Variants in PRKN observed in about 807,000 individuals in gnomAD.
The protein encoded by PRKN is E3 ubiquitin-protein ligase parkin.
Under a neutral mutation model 59.5 loss-of-function variants are expected in PRKN, and 56 were observed. The ratio of observed to expected loss-of-function variants is 0.94; its 90% confidence interval spans 0.76 to 1.18. The LOEUF (loss-of-function observed/expected upper bound fraction) is 1.18, where lower values mean the gene tolerates loss of function less well. Among genes scored for constraint, PRKN ranks in the 50% most tolerant of loss-of-function variants. PRKN has a pLI of 0.00. For synonymous variants in PRKN, 250 were observed against 222.1 expected (o/e 1.13, Z -1.12); for missense variants, 657 against 596.4 (o/e 1.10, Z -1.06).
chr6:161,507,103 A>G (rs928723444), intron 9 of PRKN, among the ~76,000 whole-genome samples: 1 of 152,208 alleles, frequency 6.6e-6, no homozygotes, highest in Non-Finnish European at 1.5e-5. Flanking sequence ...AGAACTTTTT[A>G]AAAATTCCTC....
At chr6:161,641,898 G>A (rs80128493) in intron 7 of PRKN, among the ~76,000 whole-genome samples, 354 of 152,284 alleles carry the variant, frequency 2.3e-3, no homozygotes, top group Non-Finnish European at 3.7e-3. Flanking sequence ...ACCTACCAAT[G>A]AACCAAGCTC....
At chr6:161,900,413 G>A (rs891320350) in intron 6 of PRKN, among the ~76,000 whole-genome samples, 18 of 142,974 alleles carry the variant, frequency 1.3e-4, no homozygotes, top group African/African-American at 4.6e-4. Context: ...TCAAATTAGA[G>A]AAAATTAGAG....
intron 6 of PRKN, among the ~76,000 whole-genome samples, chr6:161,907,427 C>G (rs1246627052): frequency 1.3e-5 from 2 of 152,184 alleles, no homozygotes; most frequent in African/African-American, 4.8e-5. Context: ...GCAACATAAC[C>G]ACACTTGCAA....
At chr6:162,282,920 C>T (rs1780979563) in intron 2 of PRKN, among the ~76,000 whole-genome samples, 2 of 151,942 alleles carry the variant, frequency 1.3e-5, no homozygotes, top group African/African-American at 2.4e-5. Context: ...TTTAAAAAGA[C>T]ACCTGGGAAA....
chr6:162,215,274 A>C (rs1777592850), intron 3 of PRKN, among the ~76,000 whole-genome samples: 1 of 152,202 alleles, frequency 6.6e-6, no homozygotes, highest in South Asian at 2.1e-4. Context: ...ATGAATAAAA[A>C]CGGTAAATAT....
chr6:162,275,027 G>A (rs889203599), intron 2 of PRKN: 2 of 148,232 alleles, frequency 1.3e-5, no homozygotes, highest in African/African-American at 5.0e-5. Context: ...CTTGCAGTGA[G>A]TGGAGATTGC....
intron 1 of PRKN, among the ~76,000 whole-genome samples, chr6:162,560,404 C>T (rs1779786904): frequency 6.6e-6 from 1 of 152,030 alleles, no homozygotes; most frequent in African/African-American, 2.4e-5. Context: ...AAATTAGAAA[C>T]AGAGTAATCA....
At chr6:162,411,277 A>G (rs556324175) in intron 2 of PRKN, among the ~76,000 whole-genome samples, 1 of 152,226 alleles carries the variant, frequency 6.6e-6, no homozygotes, top group Non-Finnish European at 1.5e-5. Context: ...TAATTAGGAA[A>G]ATAAGGTATC....
chr6:161,775,731 T>C (rs1278966105), intron 7 of PRKN, among the ~76,000 whole-genome samples: 1 of 152,202 alleles, frequency 6.6e-6, no homozygotes, highest in Non-Finnish European at 1.5e-5. Context: ...TTCCTTCATA[T>C]TAGATTTTAT....
At position 162,661,501 on chromosome 6, in the gene PRKN, G is replaced by C. The variant is rs373372431; in HGVS notation, c.7+66161C>G. ...GTTCCCACGGACAATGAGGTTAGTAGGGGTTGGTTTGGGAGACCTGGCGGT... is the reference window on the plus strand; with the variant it reads ...GTTCCCACGGACAATGAGGTTAGTACGGGTTGGTTTGGGAGACCTGGCGGT... On this transcript the variant is annotated intron_variant, in intron 1 of 11. Coordinates refer to ENST00000366898, the MANE Select transcript of PRKN (RefSeq NM_004562.3). 1.8e-3 allele frequency among the ~76,000 whole-genome samples: 268 copies of C among 152,282 alleles called. No homozygotes were observed. In the South Asian group the frequency reaches 0.028, roughly 16 times the overall value.
At chr6:162,428,879 G>A (rs1014377587) in intron 2 of PRKN, among the ~76,000 whole-genome samples, 1 of 151,972 alleles carries the variant, frequency 6.6e-6, no homozygotes, top group Non-Finnish European at 1.5e-5. Context: ...TAGGTCCTTT[G>A]CTCCCTCTCT....
rs1261135883 is a variant in PRKN, at chr6:162,415,199, C to CA, written c.171+28110dup. ...GTAGCTACAATTGGTTGTGCCTACG[C>CA]AAAAATAGCCAACTGGGGAAAGTTA... On this transcript the variant is annotated intron_variant, in intron 2 of 11. Coordinates refer to ENST00000366898, the MANE Select transcript of PRKN (RefSeq NM_004562.3). 5.9e-5 allele frequency among the ~76,000 whole-genome samples: 9 copies of CA among 152,156 alleles called. No homozygotes were observed. The East Asian group carries it at 1.7e-3, about 30-fold the overall frequency.
chr6:162,648,460 C>A (rs1778285527), intron 1 of PRKN, among the ~76,000 whole-genome samples: 1 of 150,640 alleles, frequency 6.6e-6, no homozygotes, highest in Admixed American at 6.6e-5. Flanking sequence ...TGACTCACTG[C>A]AACCTCCGCC....
chr6:161,540,219 C>A (rs975601626), intron 9 of PRKN, among the ~76,000 whole-genome samples: 1 of 152,154 alleles, frequency 6.6e-6, no homozygotes, highest in African/African-American at 2.4e-5. Context: ...TATCATAATG[C>A]CCCATGCAGT....
chr6:161,828,624 AG>A (rs1474157067), intron 6 of PRKN, among the ~76,000 whole-genome samples: 2 of 152,084 alleles, frequency 1.3e-5, no homozygotes, highest in Non-Finnish European at 2.9e-5. Flanking sequence ...GTGTTGAGAG[AG>A]GGCACTAAAG....
At chr6:161,367,979 C>T (rs73600943) in intron 10 of PRKN, among the ~76,000 whole-genome samples, 1 of 152,138 alleles carries the variant, frequency 6.6e-6, no homozygotes, top group Non-Finnish European at 1.5e-5. Flanking sequence ...AATCGGAGCC[C>T]CGAGCTGCCT....
chr6:161,394,597 A>G (rs931297591), intron 9 of PRKN, among the ~76,000 whole-genome samples: 1 of 152,180 alleles, frequency 6.6e-6, no homozygotes, highest in Non-Finnish European at 1.5e-5. Flanking sequence ...ATGCGCGTGC[A>G]CGTAACCATC....
rs114446851 is a variant in PRKN, at chr6:161,908,342, C to T, written c.734+64960G>A. The stretch of plus-strand genomic sequence containing the variant: ...ATCTTGTTTATACAAGCCCAGGTCT[C>T]TCACAGCAAATTCAACTGTATGTTC... On this transcript the variant is annotated intron_variant, in intron 6 of 11. Coordinates refer to ENST00000366898, the MANE Select transcript of PRKN (RefSeq NM_004562.3). Among the ~76,000 whole-genome samples the T allele has an allele frequency of 6.9e-3, 1,056 of 152,266 alleles. 17 individuals carry two copies. Among genetic ancestry groups the T allele is most frequent in the African/African-American group, 0.024 (987 of 41,550 alleles).
At chr6:162,012,709 G>A (rs180866670) in intron 5 of PRKN, among the ~76,000 whole-genome samples, 27 of 152,224 alleles carry the variant, frequency 1.8e-4, no homozygotes, top group Admixed American at 7.2e-4. Context: ...AGGACCACCT[G>A]CTGCATTGAG....
Sources: allele counts gnomAD v4.1 joint callset (sites outside exome capture counted in the v4.1 genomes callset), GRCh38; gene constraint gnomAD v4.1.1; transcripts MANE v1.5; gene names NCBI Gene and HGNC (gene_info 2026-07-23, HGNC 2026-07-21).